The following SLC5A10 variants were observed in gnomAD, a reference collection of about 807,000 sequenced individuals.
The protein encoded by SLC5A10 is sodium/mannose cotransporter SLC5A10.
SLC5A10 carries 55 observed loss-of-function variants against 68.9 expected under a neutral mutation model. That is an observed-to-expected ratio of 0.80 (90% CI 0.64 to 1.00). The LOEUF is 1.00. Ranked by LOEUF, SLC5A10 falls within the 50% of genes least tolerant of loss-of-function variation. The pLI, the probability that SLC5A10 is intolerant of heterozygous loss-of-function variation, is 0.00. For missense variants in SLC5A10, 732 were observed against 819.3 expected, an observed-to-expected ratio of 0.89 and a Z score of 1.30; for synonymous variants, 344 against 344.8, an observed-to-expected ratio of 1.00 and a Z score of 0.02.
chr17:18,978,725 C>T (rs1356257696), intron 9 of SLC5A10: 3 of 1,612,874 alleles, frequency 1.9e-6, no homozygotes, highest in Admixed American at 3.3e-5. Context: ...CATAGGGATG[C>T]CCTTGAGGCT....
intron 9 of SLC5A10, among the ~76,000 whole-genome samples, chr17:18,981,913 G>A (rs2043144939): frequency 1.3e-5 from 2 of 152,200 alleles, no homozygotes; most frequent in African/African-American, 4.8e-5. Context: ...CCTGGAGGTG[G>A]TACGAGGCCT....
At chr17:18,965,957 A>G (rs574135228) in intron 5 of SLC5A10, among the ~76,000 whole-genome samples, 1 of 152,280 alleles carries the variant, frequency 6.6e-6, no homozygotes, top group South Asian at 2.1e-4. Context: ...GGATTACCAC[A>G]CCCACCTGGT....
chr17:18,959,690 TG>T (rs774286126), intron 4 of SLC5A10, 27 bp downstream of exon 4: 1 of 1,612,044 alleles, frequency 6.2e-7, no homozygotes, highest in Non-Finnish European at 8.5e-7. Context: ...GGCCTCCAGC[TG>T]GGGGGCTGGG....
At chr17:18,983,255 T>C (rs2043183669) in intron 9 of SLC5A10, among the ~76,000 whole-genome samples, 1 of 152,172 alleles carries the variant, frequency 6.6e-6, no homozygotes, top group South Asian at 2.1e-4. Context: ...TCTCCTTTAA[T>C]TTCACCCTCA....
At chr17:18,962,838 G>A (rs1422065701) in intron 5 of SLC5A10, among the ~76,000 whole-genome samples, 1 of 152,076 alleles carries the variant, frequency 6.6e-6, no homozygotes, top group African/African-American at 2.4e-5. Context: ...TCTGCCCCCT[G>A]TTTCACCCTG....
intron 9 of SLC5A10, among the ~76,000 whole-genome samples, chr17:18,989,875 C>T (rs149242256): frequency 1.2e-4 from 19 of 152,282 alleles, no homozygotes; most frequent in Non-Finnish European, 2.1e-4. Context: ...GACCTACCTC[C>T]GAGTCAGGTC....
rs760840236 is a variant in SLC5A10, at chr17:19,003,733, C to T, written c.983-9677C>T. On this transcript the variant is annotated intron_variant, in intron 9 of 14. Coordinates refer to ENST00000395645, the MANE Select transcript of SLC5A10 (RefSeq NM_001042450.4). This position sits in a 1 kb window ranked among gnomAD's most constrained non-coding sequence, Gnocchi z 4.5. The stretch of plus-strand genomic sequence containing the variant: ...CGGCCTCGATGGGGACCCCATCCGC[C>T]CCGCTGGCTTCCTCGCCGTCGCCGA... The T allele has an allele frequency of 6.2e-7, 1 of 1,605,130 alleles. No homozygotes were observed. The highest frequency in any genetic ancestry group is 8.5e-7 in the Non-Finnish European group (1 of 1,175,748).
chr17:19,011,527 G>A (rs2044013178), intron 9 of SLC5A10, among the ~76,000 whole-genome samples: 1 of 152,180 alleles, frequency 6.6e-6, no homozygotes, highest in Admixed American at 6.5e-5. Context: ...GTGGGGGTAG[G>A]GAGGAGGGTC....
chr17:18,998,395 C>G (rs868682801), intron 9 of SLC5A10, among the ~76,000 whole-genome samples: 1 of 152,258 alleles, frequency 6.6e-6, no homozygotes, highest in Non-Finnish European at 1.5e-5. Flanking sequence ...GGCCAGGACC[C>G]TCAGCTGCAG....
At position 19,003,759 on chromosome 17, in the gene SLC5A10, C is replaced by A. The variant is rs1439415903; in HGVS notation, c.983-9651C>A. 6.2e-7 allele frequency: 1 copy of A among 1,607,674 alleles called. No homozygotes were observed. The highest frequency in any genetic ancestry group is 8.5e-7 in the Non-Finnish European group (1 of 1,177,294). On this transcript the variant is annotated intron_variant, in intron 9 of 14. Coordinates refer to ENST00000395645, the MANE Select transcript of SLC5A10 (RefSeq NM_001042450.4). The surrounding 1 kb of genome is among the most constrained non-coding windows in gnomAD (Gnocchi z 4.5). The stretch of plus-strand genomic sequence containing the variant: ...CCGCTGGCTTCCTCGCCGTCGCCGA[C>A]CCCATTGTCCTCGGGCCCCTGAGAG...
At chr17:19,005,465 A>G (rs2043859234) in intron 9 of SLC5A10, among the ~76,000 whole-genome samples, 1 of 152,158 alleles carries the variant, frequency 6.6e-6, no homozygotes, top group Admixed American at 6.5e-5. Flanking sequence ...AGCAAAGCCC[A>G]TTAAATCTGG....
In SLC5A10 at chr17:19,013,452, G is replaced by T; in HGVS notation, c.1025G>T (p.Cys342Phe). The stretch of plus-strand genomic sequence containing the variant: ...GTGCCGTCCGAGTGCCTGCGGGCCT[G>T]CGGGGCCGAGGTCGGCTGCTCCAAC... ...CVVPSECLRA[C>F]GAEVGCSNIA... Residue 342 changes from cysteine (C) to phenylalanine (F), a missense_variant, in exon 10 of 15, where the codon TGC becomes TTC. Coordinates refer to ENST00000395645, the MANE Select transcript of SLC5A10 (RefSeq NM_001042450.4). 1.2e-6 allele frequency: 2 copies of T among 1,605,264 alleles called. No homozygotes were observed. Among genetic ancestry groups the T allele is most frequent in the Non-Finnish European group, 1.7e-6 (2 of 1,175,796 alleles).
intron 9 of SLC5A10, among the ~76,000 whole-genome samples, chr17:18,991,612 G>A (rs140645419): frequency 1.2e-3 from 179 of 152,346 alleles, no homozygotes; most frequent in African/African-American, 4.2e-3. Flanking sequence ...AGCTTGTTCC[G>A]CTCCTGAGGC....
chr17:18,979,846 A>G (rs2043084324), intron 9 of SLC5A10, among the ~76,000 whole-genome samples: 1 of 152,174 alleles, frequency 6.6e-6, no homozygotes, highest in Admixed American at 6.5e-5. Flanking sequence ...TGCAGGGCTC[A>G]GGGTAAGGAG....
At chr17:18,981,837 C>T (rs2043141917) in intron 9 of SLC5A10, among the ~76,000 whole-genome samples, 1 of 152,164 alleles carries the variant, frequency 6.6e-6, no homozygotes, top group Non-Finnish European at 1.5e-5. Context: ...CGGCCCAGGA[C>T]AATTAGCGCT....
At chr17:18,962,614 AGTGCCCAAG>A in intron 5 of SLC5A10, among the ~76,000 whole-genome samples, 1 of 152,080 alleles carries the variant, frequency 6.6e-6, no homozygotes, top group Non-Finnish European at 1.5e-5. Flanking sequence ...AAGAGGTTGA[AGTGCCCAAG>A]GTGCCCAGGT....
Position 19,017,853 on chromosome 17 carries a change from C to A in SLC5A10, c.1242-1570C>A. The stretch of plus-strand genomic sequence containing the variant: ...GGTGGCATGGGAGGGAGTGGCATTC[C>A]AGGCAGAAGGAGCAGCCTCTGGGTT... On this transcript the variant is annotated intron_variant, in intron 11 of 14. Transcript: ENST00000395645. This position sits in a 1 kb window ranked among gnomAD's most constrained non-coding sequence, Gnocchi z 5.6. 1 of 156,540 alleles carries A rather than the reference C, an allele frequency of 6.4e-6. No homozygotes were observed. The highest frequency in any genetic ancestry group is 1.9e-4 in the South Asian group (1 of 5,266). 9.7% of individuals were successfully genotyped at this position (156,540 alleles called of 1,614,324 possible). A position where few individuals can be genotyped will look rare whatever the true frequency, so the allele number is the denominator to read the frequency against.
At chr17:18,959,100 C>G (rs2042562016) in intron 2 of SLC5A10, 35 bp from the exon 3 acceptor site, 2 of 1,588,252 alleles carry the variant, frequency 1.3e-6, no homozygotes, top group East Asian at 4.5e-5. Flanking sequence ...GCGCAGGGAG[C>G]CTGCTGCTGA....
intron 5 of SLC5A10, among the ~76,000 whole-genome samples, chr17:18,965,321 G>A (rs564593799): frequency 1.3e-5 from 2 of 152,268 alleles, no homozygotes; most frequent in East Asian, 3.9e-4. Flanking sequence ...CCATGGAAAT[G>A]GGCAAGGCTC....
Sources: gnomAD v4.1 joint callset for allele counts (sites outside exome capture counted in the v4.1 genomes callset) on GRCh38, gnomAD v4.1.1 for gene constraint, Gnocchi (gnomAD v3.1) non-coding constraint, MANE v1.5 for transcripts, NCBI Gene and HGNC (gene_info 2026-07-23, HGNC 2026-07-21) for gene names.